The following BUD23 variants were observed in gnomAD, a reference collection of about 807,000 sequenced individuals.
The protein encoded by BUD23 is 18S rRNA (guanine-N(7))-methyltransferase.
BUD23 carries 34 observed loss-of-function variants against 47.0 expected under a neutral mutation model. The ratio of observed to expected loss-of-function variants is 0.72; its 90% CI spans 0.55 to 0.96. The LOEUF (loss-of-function observed/expected upper bound fraction) is 0.96. BUD23 is among the 40% of genes least tolerant of loss of function. The probability of loss-of-function intolerance (pLI) is 0.00; values close to 1 mark genes in which losing one functional copy is unlikely to be tolerated. For missense variants in BUD23, 343 were observed against 361.2 expected, an observed-to-expected ratio of 0.95 and a Z score of 0.41; for synonymous variants, 124 against 132.0, an observed-to-expected ratio of 0.94 and a Z score of 0.41.
At chr7:73,689,539 A>C (rs1413219626) in intron 5 of BUD23, among the ~76,000 whole-genome samples, 1 of 152,144 alleles carries the variant, frequency 6.6e-6, no homozygotes, top group Admixed American at 6.6e-5. Context: ...CTGCCAGAGC[A>C]CAGGAAAGCC....
intron 6 of BUD23, among the ~76,000 whole-genome samples, chr7:73,691,641 C>T (rs1396240408): frequency 6.6e-6 from 1 of 152,074 alleles, no homozygotes; most frequent in East Asian, 1.9e-4. Context: ...GCTTTGTTGC[C>T]TGGGATGGAG....
rs1306077374 is a variant in BUD23 at position 73,697,595 on chromosome 7, T to C, written c.702-10T>C. 1.9e-6 allele frequency: 3 copies of C among 1,613,370 alleles called. No individual in the cohort carries two copies. The highest frequency in any genetic ancestry group is 1.7e-5 in the Admixed American group (1 of 60,006). On this transcript the variant is annotated splice_polypyrimidine_tract_variant and intron_variant, in intron 10 of 11. Coordinates refer to ENST00000265758, the MANE Select transcript of BUD23 (RefSeq NM_017528.5). ...CTGTCCATCAGCTCATAGCTGTGTC[T>C]CCGCCACAGGTTCCCATTAAGGATG...
At chr7:73,688,933 G>GT (rs1254488848) in intron 5 of BUD23, among the ~76,000 whole-genome samples, 1 of 152,196 alleles carries the variant, frequency 6.6e-6, no homozygotes, top group African/African-American at 2.4e-5. Flanking sequence ...ATGCTTTTTG[G>GT]TAATGGTCAG....
At position 73,698,014 on chromosome 7, in the gene BUD23, G is replaced by T; in HGVS notation, c.*128G>T. ...TCTGCAGTAAAAAAAAAGTTCTCTG[G>T]GCCGGGCGTGGTGGCTCACACCTGT... On this transcript the variant is annotated 3_prime_UTR_variant, in exon 12 of 12. Coordinates refer to ENST00000265758, the MANE Select transcript of BUD23 (RefSeq NM_017528.5). 8.7e-7 allele frequency: 1 copy of T among 1,151,352 alleles called. No homozygotes were observed. 71.3% of individuals were successfully genotyped at this position (1,151,352 alleles called of 1,614,324 possible).
At chr7:73,694,210 T>C in intron 10 of BUD23, 160 bp downstream of exon 10, 1 of 763,212 alleles carries the variant, frequency 1.3e-6, no homozygotes, top group Non-Finnish European at 2.0e-6. Context: ...CTGTGCCTGT[T>C]TGGGGCTAGG....
Position 73,686,727 on chromosome 7 carries a change from A to G in BUD23, c.178A>G (p.Ile60Val). Residue 60 changes from isoleucine (I) to valine (V), a missense_variant, in exon 3 of 12, where the codon ATT (isoleucine) becomes GTT (valine). Coordinates refer to ENST00000265758, the MANE Select transcript of BUD23 (RefSeq NM_017528.5). ...PENKPCYLLD[I>V]GCGTGLSGSY... Reference sequence around the variant, plus strand: ...GAATAAGCCCTGTTACCTGCTGGATATTGGGTGAGATTCTGGGGCCTGGTT... The same window carrying G: ...GAATAAGCCCTGTTACCTGCTGGATGTTGGGTGAGATTCTGGGGCCTGGTT... 1 of 1,614,054 alleles carries G rather than the reference A, an allele frequency of 6.2e-7. No individual in the cohort carries two copies. Among genetic ancestry groups the G allele is most frequent in the South Asian group, 1.1e-5 (1 of 91,084 alleles).
chr7:73,691,029 CT>C lies in BUD23; in HGVS notation c.459+18del. Reference sequence around the variant, plus strand: ...TCTGTTCTCGTGAGTATAAGATCTTCTCCCCATCTGGGTTAGCTGCCTGTCC... The same window carrying C: ...TCTGTTCTCGTGAGTATAAGATCTTCCCCCATCTGGGTTAGCTGCCTGTCC... On this transcript the variant is annotated intron_variant, in intron 6 of 11. Transcript: ENST00000265758. The C allele has an allele frequency of 6.2e-7, 1 of 1,610,902 alleles. No individual in the cohort carries two copies. The highest frequency in any genetic ancestry group is 8.5e-7 in the Non-Finnish European group (1 of 1,177,060).
Position 73,694,046 on chromosome 7 carries a change from G to A in BUD23, c.697G>A (p.Glu233Lys). The A allele has an allele frequency of 6.2e-7, 1 of 1,609,060 alleles. No homozygotes were observed. The highest frequency in any genetic ancestry group is 1.3e-5 in the African/African-American group (1 of 74,628). Reference sequence around the variant, plus strand: ...ACCCAGGGAGTCTGTGTTCACCAATGAGAGGTAAAGCAACTGCTGAAGCCT... The same window carrying A: ...ACCCAGGGAGTCTGTGTTCACCAATAAGAGGTAAAGCAACTGCTGAAGCCT... ...VEPRESVFTN[E>K]RFPLRMSRRG... Residue 233 changes from glutamate (E) to lysine (K), a missense_variant, in exon 10 of 12, where the codon GAG becomes AAG. By Grantham distance (56) the Glu-to-Lys change is moderately conservative. Transcript: ENST00000265758.
rs2178025 is a variant in BUD23 at position 73,692,986 on chromosome 7, G to T, written c.510+340G>T. 564 of 541,460 alleles carry T rather than the reference G, an allele frequency of 1.0e-3. 4 individuals are homozygous for T. Among genetic ancestry groups the T allele is most frequent in the African/African-American group, 0.01 (533 of 53,246 alleles). The allele number at this position is 541,460 out of a possible 1,614,324, so 33.5% of individuals were successfully genotyped here. On this transcript the variant is annotated intron_variant, in intron 7 of 11. Transcript: ENST00000265758. The stretch of plus-strand genomic sequence containing the variant: ...TATAAATTAAGGAATGGCGGAGTAG[G>T]ATGTAGATGTTGAAAGATAAGTGAA...
At position 73,687,058 on chromosome 7, in the gene BUD23, A is replaced by G; in HGVS notation, c.325A>G (p.Ile109Val). ...GCTGCTGGGGGATATGGGCCAGGGC[A>G]TCCCATTCAAGCCAGGCACATTTGA... ...DLLLGDMGQGIPFKPGTFDGC... is the reference protein window; with the variant it reads ...DLLLGDMGQGVPFKPGTFDGC... The change falls in exon 5 of 12, where the codon ATC becomes GTC. Residue 109 changes from isoleucine (I) to valine (V), a missense_variant. Coordinates refer to ENST00000265758, the MANE Select transcript of BUD23 (RefSeq NM_017528.5). The G allele has an allele frequency of 5.6e-6, 9 of 1,614,008 alleles. No individual in the cohort carries two copies. Among genetic ancestry groups the G allele is most frequent in the South Asian group, 1.1e-5 (1 of 91,056 alleles).
rs782259467 is a variant in BUD23 at position 73,694,044 on chromosome 7, A to G, written c.695A>G (p.Asn232Ser). The G allele has an allele frequency of 2.5e-5, 41 of 1,609,140 alleles. No individual in the cohort carries two copies. Among genetic ancestry groups the G allele is most frequent in the South Asian group, 1.1e-4 (10 of 90,724 alleles). ...GAACCCAGGGAGTCTGTGTTCACCA[A>G]TGAGAGGTAAAGCAACTGCTGAAGC... ...EVEPRESVFT[N>S]ERFPLRMSRR... The change falls in exon 10 of 12, where the codon AAT (asparagine) becomes AGT (serine). Residue 232 changes from asparagine (N) to serine (S), a missense_variant. Coordinates refer to ENST00000265758, the MANE Select transcript of BUD23 (RefSeq NM_017528.5).
chr7:73,691,884 C>T (rs1421884995), intron 6 of BUD23, among the ~76,000 whole-genome samples: 8 of 152,266 alleles, frequency 5.3e-5, no homozygotes, highest in East Asian at 1.9e-4. Context: ...GGATTATAGG[C>T]GTAAGCCACT....
At chr7:73,683,902 G>T (rs782387657) in intron 2 of BUD23, 98 bp downstream of exon 2, 3 of 1,609,114 alleles carry the variant, frequency 1.9e-6, no homozygotes, top group Admixed American at 1.7e-5. Context: ...GAATTTGGGG[G>T]TGCGGGAAGG....
rs140411623 is a variant in BUD23, at chr7:73,696,243, T to C, written c.702-1362T>C. Reference sequence around the variant, plus strand: ...GGTTTATGCTGCCTGACCCCTTGGGTCTTTGCTCATTTCCCTTAGTTTCCC... The same window carrying C: ...GGTTTATGCTGCCTGACCCCTTGGGCCTTTGCTCATTTCCCTTAGTTTCCC... On this transcript the variant is annotated intron_variant, in intron 10 of 11. Coordinates refer to ENST00000265758, the MANE Select transcript of BUD23 (RefSeq NM_017528.5). 2.3e-3 allele frequency: 343 copies of C among 152,282 alleles called. 2 individuals carry two copies. Among genetic ancestry groups the C allele is most frequent in the African/African-American group, 7.8e-3 (324 of 41,564 alleles). The allele number at this position is 152,282 out of a possible 1,614,324, so 9.4% of individuals were successfully genotyped here. A position where few individuals can be genotyped will look rare whatever the true frequency, so the allele number is the denominator to read the frequency against.
intron 2 of BUD23, 49 bp from the exon 3 acceptor site, chr7:73,686,587 T>A: frequency 6.5e-7 from 1 of 1,534,994 alleles, no homozygotes; most frequent in South Asian, 1.2e-5. Context: ...GGGGGAAGTA[T>A]TCACCCAGAA....
chr7:73,684,146 G>C, intron 2 of BUD23: 1 of 570,116 alleles, frequency 1.8e-6, no homozygotes, highest in Non-Finnish European at 3.0e-6. Context: ...ATGGCCGTAG[G>C]ATGCTTATCG....
chr7:73,692,859 A>C (rs920584471), intron 7 of BUD23: 1 of 570,538 alleles, frequency 1.8e-6, no homozygotes, highest in Non-Finnish European at 3.1e-6. Context: ...GGCAGATGAC[A>C]TGGTATTACA....
intron 6 of BUD23, among the ~76,000 whole-genome samples, chr7:73,692,124 A>G (rs1798218435): frequency 6.6e-6 from 1 of 151,906 alleles, no homozygotes; most frequent in Non-Finnish European, 1.5e-5. Context: ...GCGCCTGCCT[A>G]TCTGGCCGCT....
chr7:73,692,674 G>A lies in BUD23; in HGVS notation c.510+28G>A, dbSNP rs202140916. 4.1e-5 allele frequency: 66 copies of A among 1,603,288 alleles called. No homozygotes were observed. In the Admixed American group the frequency reaches 5.4e-4, roughly 13 times the overall value. ...GAGTCCCTCGGCTACTGGGTGTGCC[G>A]GGGAGTTGGGGGACTCAACAGGTAA... On this transcript the variant is annotated intron_variant, in intron 7 of 11. Coordinates refer to ENST00000265758, the MANE Select transcript of BUD23 (RefSeq NM_017528.5).
Sources: allele counts gnomAD v4.1 joint callset (sites outside exome capture counted in the v4.1 genomes callset), GRCh38; gene constraint gnomAD v4.1.1; transcripts MANE v1.5; gene names NCBI Gene and HGNC (gene_info 2026-07-23, HGNC 2026-07-21).